Variants in ACAN observed in about 807,000 individuals in gnomAD.
The protein encoded by ACAN is aggrecan, also known as aggrecan core protein.
A neutral mutation model predicts 169.1 loss-of-function variants in ACAN; 47 were observed. The observed-to-expected ratio is 0.28, with a 90% CI of 0.22 to 0.35. ACAN has a LOEUF of 0.35. ACAN is among the 10% of genes least tolerant of loss of function. The pLI, the probability that ACAN is intolerant of heterozygous loss-of-function variation, is 1.00. For synonymous variants in ACAN, 1,115 were observed against 1,112.2 expected (o/e 1.00, Z -0.05); for missense variants, 2,716 against 2,759.9 (o/e 0.98, Z 0.36).
chr15:88,859,515 AC>A (rs1897149582), intron 12 of ACAN, 98 bp downstream of exon 12: 34 of 1,498,714 alleles, frequency 2.3e-5, no homozygotes, highest in Non-Finnish European at 3.1e-5. Flanking sequence ...GGTTCCAAGA[AC>A]AACTCCACCA....
At position 88,814,063 on chromosome 15, in the gene ACAN, A is replaced by T. The variant is rs1895882683; in HGVS notation, c.-8+10254A>T. ...AGAATCCATTCAGCCATTGTCTTCC[A>T]GGAGTGGATGGGATAGAAGGGCTCC... On this transcript the variant is annotated intron_variant, in intron 1 of 18. Coordinates refer to ENST00000560601, the MANE Select transcript of ACAN (RefSeq NM_001369268.1). The surrounding 1 kb of genome is among the most constrained non-coding windows in gnomAD (Gnocchi z 4.0). Among the ~76,000 whole-genome samples, 1 of 152,190 alleles carries T rather than the reference A, an allele frequency of 6.6e-6. No homozygotes were observed. The highest frequency in any genetic ancestry group is 2.1e-4 in the South Asian group (1 of 4,834).
At chr15:88,824,804 G>A (rs1051058378) in intron 1 of ACAN, among the ~76,000 whole-genome samples, 1 of 152,022 alleles carries the variant, frequency 6.6e-6, no homozygotes, top group Non-Finnish European at 1.5e-5. Context: ...GCTTGAGCCC[G>A]GGAGGTGGAG....
In ACAN at chr15:88,857,113, C is replaced by T; in HGVS notation, c.4528C>T (p.Pro1510Ser). ...ASGIEDVSEL[P>S]SGEGLETSAS... ...TGGAATAGAGGATGTCAGTGAACTT[C>T]CTTCAGGAGAAGGTCTAGAGACCTC... The change falls in exon 12 of 19, where the codon CCT (proline) becomes TCT (serine). Residue 1510 changes from proline (P) to serine (S), a missense_variant. Transcript: ENST00000560601. The T allele has an allele frequency of 6.2e-7, 1 of 1,606,814 alleles. No individual in the cohort carries two copies. Among genetic ancestry groups the T allele is most frequent in the Non-Finnish European group, 8.5e-7 (1 of 1,175,436 alleles).
chr15:88,837,857 C>G (rs954287925), intron 2 of ACAN, among the ~76,000 whole-genome samples: 1 of 145,920 alleles, frequency 6.9e-6, no homozygotes, highest in South Asian at 2.2e-4. Flanking sequence ...GAACAGGTTT[C>G]ATAAATGTAT....
Position 88,871,294 on chromosome 15 carries a change from C to T in ACAN, c.7061-88C>T, listed in dbSNP as rs1026338349. ...GGCACAGCATGGAAGGTGGGGTGAA[C>T]GCAGGAACCTATGCCATAAGACTGG... On this transcript the variant is annotated intron_variant, in intron 14 of 18. Coordinates refer to ENST00000560601, the MANE Select transcript of ACAN (RefSeq NM_001369268.1). The surrounding 1 kb of genome is among the most constrained non-coding windows in gnomAD (Gnocchi z 7.8). The T allele has an allele frequency of 1.6e-5, 25 of 1,562,940 alleles. No individual in the cohort carries two copies. In the African/African-American group the frequency reaches 1.9e-4, roughly 12 times the overall value.
intron 1 of ACAN, among the ~76,000 whole-genome samples, chr15:88,834,106 C>T (rs1896439787): frequency 1.3e-5 from 2 of 152,208 alleles, no homozygotes; most frequent in African/African-American, 4.8e-5. Flanking sequence ...CCACAGCCTG[C>T]AGCCAGAGAC....
intron 8 of ACAN, 44 bp downstream of exon 8, chr15:88,847,461 T>A (rs939126006): frequency 2.7e-6 from 4 of 1,503,892 alleles, no homozygotes; most frequent in African/African-American, 1.4e-5. Context: ...ATTGAAGAGG[T>A]CAGGCTTAAG....
intron 13 of ACAN, among the ~76,000 whole-genome samples, chr15:88,867,301 G>A (rs941470738): frequency 7.9e-5 from 12 of 152,196 alleles, no homozygotes; most frequent in African/African-American, 2.9e-4. Context: ...AGGACCAGAA[G>A]AACAGAAGAG....
chr15:88,851,566 C>T lies in ACAN; in HGVS notation c.2027-228C>T, dbSNP rs1896930389. 1 of 508,754 alleles carries T rather than the reference C, an allele frequency of 2.0e-6. No individual in the cohort carries two copies. The highest frequency in any genetic ancestry group is 1.9e-5 in the African/African-American group (1 of 52,774). 31.5% of individuals were successfully genotyped at this position (508,754 alleles called of 1,614,324 possible). A position where few individuals can be genotyped will look rare whatever the true frequency, so the allele number is the denominator to read the frequency against. ...TGCCCGGCATATATGGTCAATTCTG[C>T]AGGGGAGATGCCCCAGATCACTGGA... On this transcript the variant is annotated intron_variant, in intron 10 of 18. Coordinates refer to ENST00000560601, the MANE Select transcript of ACAN (RefSeq NM_001369268.1). This position sits in a 1 kb window ranked among gnomAD's most constrained non-coding sequence, Gnocchi z 4.3.
chr15:88,825,024 G>A (rs1165097508), intron 1 of ACAN, among the ~76,000 whole-genome samples: 1 of 152,192 alleles, frequency 6.6e-6, no homozygotes, highest in African/African-American at 2.4e-5. Flanking sequence ...AGATCCAGAA[G>A]TGTGTGCTGG....
Position 88,858,357 on chromosome 15 carries a change from C to T in ACAN, c.5772C>T (p.Gly1924=), listed in dbSNP as rs771616712. The stretch of plus-strand genomic sequence containing the variant: ...GCCTGCCCTCGGGAGCATATTATGG[C>T]AGTGGAACTCCATCTAGTTTCCCCA... ...GSSLPSGAYY[G]SGTPSSFPTV... is the part of the protein sequence containing the mutation. Residue 1924 remains glycine (G), a synonymous_variant, in exon 12 of 19, where the codon GGC becomes GGT. Transcript: ENST00000560601. The surrounding 1 kb of genome is among the most constrained non-coding windows in gnomAD (Gnocchi z 4.0). 1.9e-6 allele frequency: 3 copies of T among 1,613,912 alleles called. No individual in the cohort carries two copies. Among genetic ancestry groups the T allele is most frequent in the Non-Finnish European group, 2.5e-6 (3 of 1,179,882 alleles).
chr15:88,871,436 A>G lies in ACAN; in HGVS notation c.7115A>G (p.His2372Arg), dbSNP rs1236331146. ...WNKYQGHCYRHFPDRETWVDA... is the reference protein window; with the variant it reads ...WNKYQGHCYRRFPDRETWVDA... The stretch of plus-strand genomic sequence containing the variant: ...AAGTACCAGGGCCACTGTTACCGCC[A>G]CTTCCCGGACCGCGAGACCTGGGTG... The change falls in exon 15 of 19, where the codon CAC becomes CGC. Residue 2372 changes from histidine to arginine, a missense_variant. His to Arg is a conservative substitution (Grantham distance 29). Coordinates refer to ENST00000560601, the MANE Select transcript of ACAN (RefSeq NM_001369268.1). This position sits in a 1 kb window ranked among gnomAD's most constrained non-coding sequence, Gnocchi z 7.8. 1 of 1,613,948 alleles carries G rather than the reference A, an allele frequency of 6.2e-7. No homozygotes were observed.
chr15:88,836,324 G>C (rs1304206391), intron 2 of ACAN, 48 bp downstream of exon 2: 1 of 1,492,448 alleles, frequency 6.7e-7, no homozygotes, highest in Admixed American at 1.7e-5. Context: ...GGCATGAGTA[G>C]TGGGTTTGAG....
chr15:88,863,433 C>G (rs1897235697), intron 13 of ACAN, among the ~76,000 whole-genome samples: 1 of 152,132 alleles, frequency 6.6e-6, no homozygotes, highest in African/African-American at 2.4e-5. Flanking sequence ...TTCAATTGGT[C>G]TAAAGAGGAA....
chr15:88,815,591 G>C (rs1247129193), intron 1 of ACAN, among the ~76,000 whole-genome samples: 1 of 86,286 alleles, frequency 1.2e-5, no homozygotes, highest in Non-Finnish European at 2.3e-5. Context: ...GTGCAGAAGA[G>C]AAAGGTCTTA....
chr15:88,806,720 G>A lies in ACAN; in HGVS notation c.-8+2911G>A, dbSNP rs147781319. ...GACCCTTCTTATTGGGCCCTTAGGAGGACCTCAGCTGAGCCAAAGGAAGCC... is the reference window on the plus strand; with the variant it reads ...GACCCTTCTTATTGGGCCCTTAGGAAGACCTCAGCTGAGCCAAAGGAAGCC... On this transcript the variant is annotated intron_variant, in intron 1 of 18. Transcript: ENST00000560601. 1.4e-3 allele frequency among the ~76,000 whole-genome samples: 209 copies of A among 152,254 alleles called. 1 individual carries two copies. The highest frequency in any genetic ancestry group is 4.8e-3 in the African/African-American group (200 of 41,558).
In ACAN at chr15:88,871,576, A is replaced by T; in HGVS notation, c.7219+36A>T. 1 of 1,583,258 alleles carries T rather than the reference A, an allele frequency of 6.3e-7. No individual in the cohort carries two copies. Among genetic ancestry groups the T allele is most frequent in the South Asian group, 1.1e-5 (1 of 87,202 alleles). On this transcript the variant is annotated intron_variant, in intron 15 of 18. Transcript: ENST00000560601. The surrounding 1 kb of genome is among the most constrained non-coding windows in gnomAD (Gnocchi z 7.8). Reference sequence around the variant, plus strand: ...CGGGGCCTCTGGAGCCTGAGAGGAGAGTGGCGGTGTAGGCAAAGGGCCTCA... The same window carrying T: ...CGGGGCCTCTGGAGCCTGAGAGGAGTGTGGCGGTGTAGGCAAAGGGCCTCA...
At chr15:88,821,605 G>A (rs964784841) in intron 1 of ACAN, among the ~76,000 whole-genome samples, 1 of 152,224 alleles carries the variant, frequency 6.6e-6, no homozygotes, top group African/African-American at 2.4e-5. Flanking sequence ...GGCAAGAAGT[G>A]CTTGGAACTT....
chr15:88,854,337 G>C (rs886978261), intron 11 of ACAN, among the ~76,000 whole-genome samples: 1 of 152,306 alleles, frequency 6.6e-6, no homozygotes, highest in African/African-American at 2.4e-5. Flanking sequence ...GGTCATCAGT[G>C]GGGCTGGGGT....
Sources: allele counts gnomAD v4.1 joint callset (sites outside exome capture counted in the v4.1 genomes callset), GRCh38; gene constraint gnomAD v4.1.1; non-coding constraint Gnocchi (gnomAD v3.1); transcripts MANE v1.5; gene names NCBI Gene and HGNC (gene_info 2026-07-23, HGNC 2026-07-21).